The following COA8 variants were observed in gnomAD, a reference collection of about 807,000 sequenced individuals.
COA8 encodes the protein UPF0671 protein C14orf153.
A neutral mutation model predicts 22.0 loss-of-function variants in COA8; 20 were observed. That is an observed-to-expected ratio of 0.91 (90% CI 0.64 to 1.32). The LOEUF (loss-of-function observed/expected upper bound fraction) is 1.32, where lower values mean the gene tolerates loss of function less well. COA8 is among the 40% of genes most tolerant of loss of function. COA8 has a pLI of 0.00. For missense variants in COA8, 266 were observed against 230.0 expected (o/e 1.16, Z -1.01); for synonymous variants, 105 against 79.9 (o/e 1.31, Z -1.68).
chr14:103,590,604 A>G lies in COA8; in HGVS notation c.*318A>G, dbSNP rs1393534528. On this transcript the variant is annotated 3_prime_UTR_variant, in exon 5 of 5. Coordinates refer to ENST00000409074, the MANE Select transcript of COA8 (RefSeq NM_001370595.2). ...AAATATTGGCCAGGCACGGTGGCTC[A>G]CACCTGTAATCCCAGCACTTTGGGA... 1 of 220,044 alleles carries G rather than the reference A, an allele frequency of 4.5e-6. No individual in the cohort carries two copies. Among genetic ancestry groups the G allele is most frequent in the African/African-American group, 2.3e-5 (1 of 42,646 alleles). The allele number at this position is 220,044 out of a possible 1,614,324, so 13.6% of individuals were successfully genotyped here. A position where few individuals can be genotyped will look rare whatever the true frequency, so the allele number is the denominator to read the frequency against.
At chr14:103,570,669 G>T (rs1453708948) in intron 1 of COA8, among the ~76,000 whole-genome samples, 3 of 152,058 alleles carry the variant, frequency 2.0e-5, no homozygotes, top group African/African-American at 7.3e-5. Flanking sequence ...GGAGGCGGAG[G>T]TTGCAGTGAG....
rs879245641 is a variant in COA8 at position 103,571,910 on chromosome 14, G to A, written c.321+90G>A. The A allele has an allele frequency of 1.8e-5, 20 of 1,085,394 alleles. No individual in the cohort carries two copies. The Admixed American group carries it at 2.4e-4, about 13-fold the overall frequency. 67.2% of individuals were successfully genotyped at this position (1,085,394 alleles called of 1,614,324 possible). A position where few individuals can be genotyped will look rare whatever the true frequency, so the allele number is the denominator to read the frequency against. On this transcript the variant is annotated intron_variant, in intron 2 of 4. Coordinates refer to ENST00000409074, the MANE Select transcript of COA8 (RefSeq NM_001370595.2). ...CGGGATGCCGAGGTGGGCAGATCAC[G>A]AGGTCAGGAGATCGAGACCATCCTG...
intron 1 of COA8, among the ~76,000 whole-genome samples, chr14:103,568,450 C>CACAT (rs540646177): frequency 2.3e-3 from 348 of 151,904 alleles, no homozygotes; most frequent in Middle Eastern, 6.8e-3. Flanking sequence ...TATATACACA[C>CACAT]ACATACATAC....
chr14:103,563,489 T>G lies in COA8; in HGVS notation c.123+365T>G, dbSNP rs188459043. 7.7e-6 allele frequency: 3 copies of G among 391,294 alleles called. No homozygotes were observed. In the East Asian group the frequency reaches 1.7e-4, roughly 23 times the overall value. The allele number at this position is 391,294 out of a possible 1,614,324, so 24.2% of individuals were successfully genotyped here. On this transcript the variant is annotated intron_variant, in intron 1 of 4. Transcript: ENST00000409074. ...CGTTGTGTGTGTGTGTGTTTTGGCT[T>G]TGTTACAATTATTAGTGCTTTTCTT...
chr14:103,570,357 C>A (rs2076173570), intron 1 of COA8, among the ~76,000 whole-genome samples: 1 of 152,078 alleles, frequency 6.6e-6, no homozygotes, highest in Non-Finnish European at 1.5e-5. Context: ...TAGCAGGGTC[C>A]CCCCACTATA....
intron 1 of COA8, among the ~76,000 whole-genome samples, chr14:103,566,361 A>G (rs1397035877): frequency 6.6e-6 from 1 of 152,224 alleles, no homozygotes; most frequent in Non-Finnish European, 1.5e-5. Context: ...CAGAGGTTGC[A>G]GTGAGCCGAG....
intron 3 of COA8, among the ~76,000 whole-genome samples, chr14:103,578,313 G>A (rs1281235748): frequency 6.6e-6 from 1 of 152,214 alleles, no homozygotes; most frequent in Admixed American, 6.5e-5. Flanking sequence ...GAACGGATAA[G>A]GCTGTGGTGG....
At chr14:103,586,859 A>G (rs2076311289) in intron 3 of COA8, among the ~76,000 whole-genome samples, 1 of 151,770 alleles carries the variant, frequency 6.6e-6, no homozygotes, top group Admixed American at 6.6e-5. Flanking sequence ...GTGAGTCACC[A>G]CATCTGGCTA....
rs556340748 is a variant in COA8 at position 103,581,896 on chromosome 14, A to G, written c.386-5378A>G. ...TGTTTGTTTCTGTCTGTGGGAATAA[A>G]GGGGTTGCCAGACACCCTCCCTGCT... On this transcript the variant is annotated intron_variant, in intron 3 of 4. Coordinates refer to ENST00000409074, the MANE Select transcript of COA8 (RefSeq NM_001370595.2). The surrounding 1 kb of genome is among the most constrained non-coding windows in gnomAD (Gnocchi z 4.1). Among the ~76,000 whole-genome samples, 2 of 152,262 alleles carry G rather than the reference A, an allele frequency of 1.3e-5. No individual in the cohort carries two copies. Among genetic ancestry groups the G allele is most frequent in the East Asian group, 3.9e-4 (2 of 5,174 alleles).
Position 103,581,794 on chromosome 14 carries a change from C to T in COA8, c.386-5480C>T, listed in dbSNP as rs534476578. The stretch of plus-strand genomic sequence containing the variant: ...TCCGGTGGCACTAGACCTGCCCGGG[C>T]GGCCAGAGGACACGTGGCTCCTGTC... On this transcript the variant is annotated intron_variant, in intron 3 of 4. Coordinates refer to ENST00000409074, the MANE Select transcript of COA8 (RefSeq NM_001370595.2). This position sits in a 1 kb window ranked among gnomAD's most constrained non-coding sequence, Gnocchi z 4.1. 1.8e-5 allele frequency: 7 copies of T among 393,032 alleles called. No homozygotes were observed. The highest frequency in any genetic ancestry group is 8.2e-5 in the African/African-American group (4 of 48,598). 24.3% of individuals were successfully genotyped at this position (393,032 alleles called of 1,614,324 possible). A position where few individuals can be genotyped will look rare whatever the true frequency, so the allele number is the denominator to read the frequency against.
intron 3 of COA8, 115 bp downstream of exon 3, chr14:103,574,285 G>A (rs1181448965): frequency 2.8e-6 from 4 of 1,429,996 alleles, no homozygotes; most frequent in Non-Finnish European, 3.9e-6. Flanking sequence ...TCCTTGGCCT[G>A]CTTTGGGGCA....
At chr14:103,585,490 A>T (rs1595149454) in intron 3 of COA8, among the ~76,000 whole-genome samples, 1 of 151,984 alleles carries the variant, frequency 6.6e-6, no homozygotes, top group East Asian at 1.9e-4. Context: ...AAAAAAAAAA[A>T]AAAAGTTATT....
At chr14:103,584,165 C>T (rs1182753610) in intron 3 of COA8, among the ~76,000 whole-genome samples, 1 of 152,200 alleles carries the variant, frequency 6.6e-6, no homozygotes, top group African/African-American at 2.4e-5. Flanking sequence ...CCACAAAGCA[C>T]TGGGATAACA....
rs2076212402 is a variant in COA8 at position 103,574,134 on chromosome 14, C to T, written c.349C>T (p.Leu117=). Residue 117 remains leucine (L), a synonymous_variant, in exon 3 of 5, where the codon CTA becomes TTA. Transcript: ENST00000409074. The stretch of plus-strand genomic sequence containing the variant: ...AAAAGAAGAATTTATTCACTCAAGA[C>T]TAAAAACTAAAGGCCTGGGCCTGAG... ...KEKEEFIHSR[L]KTKGLGLRTE... is the part of the protein sequence containing the mutation. 1.4e-6 allele frequency: 1 copy of T among 737,912 alleles called. No individual in the cohort carries two copies. The highest frequency in any genetic ancestry group is 2.2e-6 in the Non-Finnish European group (1 of 460,788). 45.7% of individuals were successfully genotyped at this position (737,912 alleles called of 1,614,324 possible). A position where few individuals can be genotyped will look rare whatever the true frequency, so the allele number is the denominator to read the frequency against.
intron 1 of COA8, among the ~76,000 whole-genome samples, chr14:103,564,571 C>CTTTTTTTTTTTTTTTTTTTTT (rs561702478): frequency 1.1e-5 from 1 of 91,460 alleles, no homozygotes. Context: ...ATATACACTT[C>CTTTTTTTTTTTTTTTTTTTTT]TTTTTTTTTT....
In COA8 at chr14:103,564,636, G is replaced by A. The variant is rs1403861402; in HGVS notation, c.123+1512G>A. On this transcript the variant is annotated intron_variant, in intron 1 of 4. Coordinates refer to ENST00000409074, the MANE Select transcript of COA8 (RefSeq NM_001370595.2). The stretch of plus-strand genomic sequence containing the variant: ...CCTCTGTCGCCCAGGTGGGAGTACA[G>A]TGGCGTGATCTCAGCTCACTGCAAC... Among the ~76,000 whole-genome samples the A allele has an allele frequency of 2.3e-5, 3 of 133,314 alleles. 1 individual carries two copies. The highest frequency in any genetic ancestry group is 2.9e-5 in the African/African-American group (1 of 34,062). The allele number at this position is 133,314 out of a possible 152,430, so 87.5% of individuals were successfully genotyped here.
Position 103,590,241 on chromosome 14 carries a change from G to A in COA8, c.537G>A (p.Arg179=), listed in dbSNP as rs549160910. The A allele has an allele frequency of 1.7e-5, 27 of 1,614,122 alleles. 1 individual carries two copies. In the Middle Eastern group the frequency reaches 6.6e-4, roughly 39 times the overall value. Residue 179 remains arginine (R), a synonymous_variant, in exon 5 of 5, where the codon AGG becomes AGA. Transcript: ENST00000409074. ...TCATGGGAAAAGTGGCCCTGGAAAG[G>A]ATTTGGAACAAGCTTAAACAGAAAC... ...TFFMGKVALE[R]IWNKLKQKQK... is the part of the protein sequence containing the mutation.
At chr14:103,590,101 C>T in intron 4 of COA8, 80 bp from the exon 5 acceptor site, 1 of 1,211,884 alleles carries the variant, frequency 8.3e-7, no homozygotes, top group South Asian at 1.3e-5. Context: ...TCATCCTCAA[C>T]TGGGAGCCAC....
intron 3 of COA8, among the ~76,000 whole-genome samples, chr14:103,579,823 C>T (rs1428838769): frequency 9.3e-5 from 14 of 151,082 alleles, no homozygotes; most frequent in Non-Finnish European, 1.6e-4. Flanking sequence ...CTTAGCTGGA[C>T]GTGGTGGCGT....
Sources: gnomAD v4.1 joint callset for allele counts (sites outside exome capture counted in the v4.1 genomes callset) on GRCh38, gnomAD v4.1.1 for gene constraint, Gnocchi (gnomAD v3.1) non-coding constraint, MANE v1.5 for transcripts, NCBI Gene and HGNC (gene_info 2026-07-23, HGNC 2026-07-21) for gene names.